RALGAPB: variants seen among roughly 807,000 people sequenced by gnomAD.
The protein encoded by RALGAPB is Ral GTPase activating protein non-catalytic subunit beta.
Under a neutral mutation model 161.1 loss-of-function variants are expected in RALGAPB, and 25 were observed. The ratio of observed to expected loss-of-function variants is 0.16; its 90% CI spans 0.11 to 0.22. The LOEUF is 0.22. Ranked by LOEUF, RALGAPB falls within the 10% of genes least tolerant of loss-of-function variation. RALGAPB has a pLI of 1.00. For missense variants in RALGAPB, 1,391 were observed against 1,815.2 expected (o/e 0.77, Z 4.25); for synonymous variants, 629 against 626.1 (o/e 1.00, Z -0.07).
rs1195182964 is a variant in RALGAPB, at chr20:38,558,330, T to G, written c.3408T>G (p.Ile1136Met). 2 of 1,598,226 alleles carry G rather than the reference T, an allele frequency of 1.3e-6. No homozygotes were observed. The highest frequency in any genetic ancestry group is 4.5e-5 in the East Asian group (2 of 44,468). ...ATAGTCGTCTACCTCCTCACCTTAT[T>G]GCACTTGATTCCACGATACCTGGAT... Reference protein sequence around the residue: ...PANSRLPPHLIALDSTIPGFF... With the variant: ...PANSRLPPHLMALDSTIPGFF... Residue 1136 changes from isoleucine to methionine, a missense_variant, in exon 23 of 30, where the codon ATT becomes ATG. Physicochemically the swap from Ile to Met is conservative, Grantham distance 10. Around this residue, in one of 3 missense-constraint regions of RALGAPB, gnomAD observed 436 missense variants for 527.0 expected, o/e 0.83. Transcript: ENST00000262879.
chr20:38,531,052 A>G, intron 13 of RALGAPB, 115 bp from the exon 14 acceptor site: 5 of 855,024 alleles, frequency 5.8e-6, no homozygotes, highest in South Asian at 4.8e-5. Flanking sequence ...TGGGTATTTC[A>G]GGAATGCTCA....
intron 3 of RALGAPB, among the ~76,000 whole-genome samples, chr20:38,495,883 T>C (rs1181303578): frequency 6.6e-6 from 1 of 152,162 alleles, no homozygotes; most frequent in Non-Finnish European, 1.5e-5. Context: ...ATTGGGCAAA[T>C]ACCTGGAAAT....
At chr20:38,496,193 A>G (rs1426683739) in intron 3 of RALGAPB, among the ~76,000 whole-genome samples, 1 of 151,576 alleles carries the variant, frequency 6.6e-6, no homozygotes, top group Admixed American at 6.6e-5. Flanking sequence ...TTTTCTCATC[A>G]TTTTGCTTTA....
chr20:38,537,285 G>GTT (rs2086835573), intron 16 of RALGAPB, among the ~76,000 whole-genome samples: 1 of 151,996 alleles, frequency 6.6e-6, no homozygotes, highest in Non-Finnish European at 1.5e-5. Context: ...CAATTGGATA[G>GTT]TCATACACAC....
intron 6 of RALGAPB, among the ~76,000 whole-genome samples, chr20:38,515,082 G>A (rs1205076259): frequency 6.6e-6 from 1 of 152,140 alleles, no homozygotes; most frequent in Non-Finnish European, 1.5e-5. Context: ...TTCCATTTCA[G>A]CTTTACTCCT....
chr20:38,477,551 G>T (rs1321646178), intron 1 of RALGAPB, among the ~76,000 whole-genome samples: 1 of 152,068 alleles, frequency 6.6e-6, no homozygotes, highest in Non-Finnish European at 1.5e-5. Flanking sequence ...TTTGCCTTAT[G>T]GGGTCAATGG....
chr20:38,499,666 C>T, intron 5 of RALGAPB, 33 bp downstream of exon 5: 1 of 1,572,078 alleles, frequency 6.4e-7, no homozygotes, highest in Non-Finnish European at 8.6e-7. Context: ...CCTTCCTTCA[C>T]CTGTCTGACC....
In RALGAPB at chr20:38,517,994, A is replaced by G. The variant is rs2086183122; in HGVS notation, c.1411A>G (p.Met471Val). Residue 471 changes from methionine to valine, a missense_variant, in exon 9 of 30, where the codon ATG becomes GTG. Physicochemically the swap from Met to Val is conservative, Grantham distance 21. Around this residue, in one of 3 missense-constraint regions of RALGAPB, gnomAD observed 946 missense variants for 1,257.2 expected, o/e 0.75. Transcript: ENST00000262879. ...LHNGINRDSS[M>V]TAITTQASME... ...TAATGGGATAAACAGAGACAGCAGC[A>G]TGACTGGTAAATATTACTCAAGAAA... The G allele has an allele frequency of 6.2e-7, 1 of 1,601,450 alleles. No individual in the cohort carries two copies. The highest frequency in any genetic ancestry group is 8.6e-7 in the Non-Finnish European group (1 of 1,168,532).
chr20:38,560,957 GGTT>G (rs531818928), intron 23 of RALGAPB, among the ~76,000 whole-genome samples: 4 of 152,212 alleles, frequency 2.6e-5, no homozygotes, highest in Non-Finnish European at 5.9e-5. Context: ...AACTAGAAAT[GGTT>G]GTTAAGTCAG....
chr20:38,547,435 G>A (rs1416681108), intron 19 of RALGAPB: 1 of 152,180 alleles, frequency 6.6e-6, no homozygotes, highest in Non-Finnish European at 1.5e-5. Flanking sequence ...GACTTGCCCA[G>A]GGTTACTTGG....
intron 1 of RALGAPB, among the ~76,000 whole-genome samples, chr20:38,484,327 A>G (rs1167163174): frequency 6.6e-6 from 1 of 152,184 alleles, no homozygotes; most frequent in African/African-American, 2.4e-5. Flanking sequence ...TAGGACCTCC[A>G]TAGTTGGGTT....
rs566943849 is a variant in RALGAPB, at chr20:38,512,325, T to G, written c.872+3117T>G. ...TTCTAATAATTCATACTTGTTTTGG[T>G]GACTAATTAAAAGTACTTCGGATGC... On this transcript the variant is annotated intron_variant, in intron 6 of 29. Transcript: ENST00000262879. 7.2e-5 allele frequency among the ~76,000 whole-genome samples: 11 copies of G among 152,370 alleles called. No individual in the cohort carries two copies. The South Asian group carries it at 2.3e-3, about 32-fold the overall frequency.
intron 1 of RALGAPB, among the ~76,000 whole-genome samples, chr20:38,477,780 A>G (rs543046381): frequency 1.3e-3 from 195 of 152,248 alleles, no homozygotes; most frequent in African/African-American, 4.4e-3. Flanking sequence ...CACTCTAGAT[A>G]GGCACTGCAG....
chr20:38,546,120 C>T, intron 18 of RALGAPB, 123 bp from the exon 19 acceptor site: 3 of 1,514,158 alleles, frequency 2.0e-6, no homozygotes, highest in Non-Finnish European at 2.7e-6. Flanking sequence ...TAAATCTGAC[C>T]TGTCAAGAAG....
chr20:38,489,925 G>T (rs1388365068), intron 2 of RALGAPB, among the ~76,000 whole-genome samples: 3 of 152,108 alleles, frequency 2.0e-5, no homozygotes, highest in Non-Finnish European at 4.4e-5. Flanking sequence ...TACGTGAGTA[G>T]ATAGAGGTGC....
At chr20:38,521,047 G>T (rs1233190530) in intron 9 of RALGAPB, among the ~76,000 whole-genome samples, 2 of 152,184 alleles carry the variant, frequency 1.3e-5, no homozygotes, top group African/African-American at 4.8e-5. Context: ...AAAGTATACA[G>T]ACTGGCATAG....
chr20:38,548,726 A>G lies in RALGAPB; in HGVS notation c.2940A>G (p.Gly980=), dbSNP rs2087258686. ...CCTCTGTCACTGTGCTGGTCCGGGG[A>G]ATGTCTGGAAGACTTGCTTGGGCAC... is the stretch of plus-strand genomic sequence containing the variant. ...FFPSVTVLVR[G]MSGRLAWAQQ... Residue 980 remains glycine (G), a synonymous_variant, in exon 20 of 30, where the codon GGA becomes GGG. Coordinates refer to ENST00000262879, the MANE Select transcript of RALGAPB (RefSeq NM_020336.4). 1.2e-6 allele frequency: 2 copies of G among 1,614,036 alleles called. No homozygotes were observed.
Position 38,517,577 on chromosome 20 carries a change from G to C in RALGAPB, c.1123G>C (p.Ala375Pro), listed in dbSNP as rs1410667970. ...VNRLSMPQSA[A>P]VSTTPPHNRR... Reference sequence around the variant, plus strand: ...TAGATTAAGTATGCCTCAAAGTGCTGCTGTCAGTACCACCCCCCCACATAA... The same window carrying C: ...TAGATTAAGTATGCCTCAAAGTGCTCCTGTCAGTACCACCCCCCCACATAA... Residue 375 changes from alanine (A) to proline (P), a missense_variant, in exon 8 of 30, where the codon GCT becomes CCT. By Grantham distance (27) the Ala-to-Pro change is conservative. This residue lies in a region of RALGAPB where 946 missense variants were observed against 1,257.2 expected (regional missense o/e 0.75). Transcript: ENST00000262879. The C allele has an allele frequency of 2.5e-6, 4 of 1,613,356 alleles. No homozygotes were observed. The highest frequency in any genetic ancestry group is 1.7e-5 in the Admixed American group (1 of 59,946).
Position 38,521,731 on chromosome 20 carries a change from A to G in RALGAPB, c.1619+33A>G, listed in dbSNP as rs369486340. On this transcript the variant is annotated intron_variant, in intron 10 of 29. Coordinates refer to ENST00000262879, the MANE Select transcript of RALGAPB (RefSeq NM_020336.4). ...AATTTTTGTTTGTTTTTTCATTTATATAGTTTTGATAGTGAAGCCATTGTT... is the reference window on the plus strand; with the variant it reads ...AATTTTTGTTTGTTTTTTCATTTATGTAGTTTTGATAGTGAAGCCATTGTT... 212 of 1,602,392 alleles carry G rather than the reference A, an allele frequency of 1.3e-4. 1 individual carries two copies. Among genetic ancestry groups the G allele is most frequent in the Non-Finnish European group, 1.8e-4 (207 of 1,172,480 alleles).
Sources: gnomAD v4.1 joint callset for allele counts (sites outside exome capture counted in the v4.1 genomes callset) on GRCh38, gnomAD v4.1.1 for gene constraint, gnomAD v4.1.1 regional missense constraint, MANE v1.5 for transcripts, NCBI Gene and HGNC (gene_info 2026-07-23, HGNC 2026-07-21) for gene names.